Variants in TRIM49C observed in about 807,000 individuals in gnomAD.
The protein encoded by TRIM49C is tripartite motif-containing protein 49C.
In TRIM49C, 6 loss-of-function variants were observed where a neutral mutation model predicts 21.4. That is an observed-to-expected ratio of 0.28 (90% CI 0.15 to 0.55). TRIM49C has a LOEUF of 0.55. TRIM49C is among the 20% of genes least tolerant of loss of function. The pLI is 0.94. For synonymous variants in TRIM49C, 57 were observed against 148.1 expected, an observed-to-expected ratio of 0.38 and a Z score of 4.47; for missense variants, 161 against 442.4, an observed-to-expected ratio of 0.36 and a Z score of 5.71.
the TRIM49C span, among the ~76,000 whole-genome samples, chr11:90,072,370 T>A: frequency 6.0e-5 from 9 of 149,024 alleles, no homozygotes; most frequent in East Asian, 1.9e-4. Context: ...AGATAAAAGA[T>A]GTCTGTGCCT....
At chr11:90,060,281 A>AAT in the TRIM49C span, among the ~76,000 whole-genome samples, 1 of 138,754 alleles carries the variant, frequency 7.2e-6, no homozygotes, top group Non-Finnish European at 1.5e-5. Flanking sequence ...GCTGCAAAAA[A>AAT]ATATATATAT....
chr11:90,046,753 G>T (rs1950803886), downstream of TRIM49C, among the ~76,000 whole-genome samples: 1 of 124,428 alleles, frequency 8.0e-6, no homozygotes, highest in Non-Finnish European at 1.6e-5. Context: ...AGGTTTCATT[G>T]TGTCTCTATC....
the TRIM49C span, among the ~76,000 whole-genome samples, chr11:90,067,501 AG>A: frequency 6.1e-5 from 9 of 147,690 alleles, no homozygotes; most frequent in Non-Finnish European, 9.0e-5. Flanking sequence ...AGAAAGATAA[AG>A]TCTTTGAATG....
chr11:90,056,888 G>T, the TRIM49C span, among the ~76,000 whole-genome samples: 2 of 145,538 alleles, frequency 1.4e-5, no homozygotes, highest in African/African-American at 5.3e-5. Context: ...TTTTGTATGA[G>T]CTGAAATGAG....
At chr11:90,060,267 A>G in the TRIM49C span, among the ~76,000 whole-genome samples, 1 of 139,372 alleles carries the variant, frequency 7.2e-6, no homozygotes, top group Non-Finnish European at 1.5e-5. Flanking sequence ...TACATTTCCC[A>G]CATGCTGCAA....
At chr11:90,036,703 C>A in intron 4 of TRIM49C, among the ~76,000 whole-genome samples, 1 of 137,838 alleles carries the variant, frequency 7.3e-6, no homozygotes, top group Non-Finnish European at 1.6e-5. Flanking sequence ...AGAACCTAGT[C>A]TATGTTGAAT....
chr11:90,031,856 G>T (rs1163420201), intron 1 of TRIM49C, among the ~76,000 whole-genome samples: 1 of 141,004 alleles, frequency 7.1e-6, no homozygotes, highest in African/African-American at 2.5e-5. Flanking sequence ...AGCTGGATGA[G>T]GTGGTTTATA....
Position 90,041,127 on chromosome 11 carries a change from A to G in TRIM49C, c.936A>G (p.Gly312=), listed in dbSNP as rs762696444. The part of the protein sequence containing the change: ...LYEILRSMCI[G]CDHQDVPYFT... ...AAATTTTGAGAAGCATGTGTATTGG[A>G]TGTGACCATCAAGATGTACCCTATT... Residue 312 remains glycine (G), a synonymous_variant, in exon 8 of 8, where the codon GGA becomes GGG. Transcript: ENST00000448984. 48 of 1,596,768 alleles carry G rather than the reference A, an allele frequency of 3.0e-5. 2 individuals carry two copies. The highest frequency in any genetic ancestry group is 3.9e-5 in the Non-Finnish European group (46 of 1,171,532).
At chr11:90,043,439 T>A (rs1455306642), downstream of TRIM49C, among the ~76,000 whole-genome samples, 2 of 124,134 alleles carry the variant, frequency 1.6e-5, no homozygotes, top group African/African-American at 6.3e-5. Context: ...TAAAACAAAC[T>A]ATAATTACTT....
downstream of TRIM49C, among the ~76,000 whole-genome samples, chr11:90,043,452 T>C (rs1950782801): frequency 8.1e-6 from 1 of 123,502 alleles, no homozygotes; most frequent in African/African-American, 3.2e-5. Context: ...AATTACTTGA[T>C]ATAACACAAA....
chr11:90,073,493 T>G, the TRIM49C span: 1 of 374,006 alleles, frequency 2.7e-6, no homozygotes, highest in Non-Finnish European at 4.6e-6. Context: ...TTTTCTACTT[T>G]AGTGTCACTT....
At chr11:90,054,636 G>T in the TRIM49C span, among the ~76,000 whole-genome samples, 1 of 130,854 alleles carries the variant, frequency 7.6e-6, no homozygotes, top group Admixed American at 8.7e-5. Flanking sequence ...CTGGATTAAT[G>T]ATTGACAATG....
chr11:90,042,141 T>C, downstream of TRIM49C: 1 of 141,784 alleles, frequency 7.1e-6, no homozygotes, highest in Non-Finnish European at 1.5e-5. Context: ...AGAACAATGC[T>C]GGATTAATTG....
At chr11:90,048,326 G>T in the TRIM49C span, among the ~76,000 whole-genome samples, 2 of 117,620 alleles carry the variant, frequency 1.7e-5, 1 homozygote, top group Non-Finnish European at 3.5e-5. Context: ...GCCTTGCTAG[G>T]TTGGGGATGT....
chr11:90,064,096 A>G, the TRIM49C span, among the ~76,000 whole-genome samples: 1 of 137,004 alleles, frequency 7.3e-6, no homozygotes, highest in Non-Finnish European at 1.6e-5. Context: ...TCACCTATGA[A>G]GTTTGCTCAG....
chr11:90,035,239 CA>C lies in TRIM49C; in HGVS notation c.29del (p.Gln10ArgfsTer10), dbSNP rs1399054262. On this transcript the variant is annotated frameshift_variant, in exon 3 of 8. Transcript: ENST00000448984. LOFTEE classifies it high-confidence loss of function. MNSGILQVF[Q>X]GELICPLCMN... is the part of the protein sequence containing the mutation. Reference sequence around the variant, plus strand: ...GAATTCTGGAATCTTACAGGTCTTTCAGGGGGAACTCATCTGCCCCCTGTGC... The same window carrying C: ...GAATTCTGGAATCTTACAGGTCTTTCGGGGGAACTCATCTGCCCCCTGTGC... 6.3e-7 allele frequency: 1 copy of C among 1,578,806 alleles called. No homozygotes were observed. The highest frequency in any genetic ancestry group is 2.3e-5 in the East Asian group (1 of 44,428).
the TRIM49C span, among the ~76,000 whole-genome samples, chr11:90,056,323 A>G: frequency 1.5e-5 from 2 of 129,494 alleles, 1 homozygote; most frequent in Non-Finnish European, 3.3e-5. Flanking sequence ...GAAGGTTTAT[A>G]CCACTTTATG....
the TRIM49C span, chr11:90,062,196 TATG>T: frequency 2.3e-6 from 1 of 438,702 alleles, no homozygotes; most frequent in Non-Finnish European, 3.8e-6. Context: ...GTTAAACGAA[TATG>T]ATTCTAATAA....
At chr11:90,054,972 C>T in the TRIM49C span, among the ~76,000 whole-genome samples, 1 of 149,388 alleles carries the variant, frequency 6.7e-6, no homozygotes, top group Non-Finnish European at 1.5e-5. Context: ...AATTATGAGG[C>T]ATTGACTGCT....
Sources: allele counts gnomAD v4.1 joint callset (sites outside exome capture counted in the v4.1 genomes callset), GRCh38; gene constraint gnomAD v4.1.1; transcripts MANE v1.5; gene names NCBI Gene and HGNC (gene_info 2026-07-23, HGNC 2026-07-21).